NDUFA5: variants seen among roughly 807,000 people sequenced by gnomAD.
NDUFA5 encodes NADH dehydrogenase [ubiquinone] 1 alpha subcomplex subunit 5.
A neutral mutation model predicts 19.8 loss-of-function variants in NDUFA5; 11 were observed. That is an observed-to-expected ratio of 0.56 (90% CI 0.35 to 0.92). The LOEUF (loss-of-function observed/expected upper bound fraction) is 0.92, where lower values mean the gene tolerates loss of function less well. Ranked by LOEUF, NDUFA5 falls within the 40% of genes least tolerant of loss-of-function variation. The pLI is 0.01. For synonymous variants in NDUFA5, 47 were observed against 46.8 expected, an observed-to-expected ratio of 1.00 and a Z score of -0.01; for missense variants, 109 against 134.2, an observed-to-expected ratio of 0.81 and a Z score of 0.93.
the NDUFA5 span, among the ~76,000 whole-genome samples, chr7:123,587,801 T>C: frequency 6.6e-6 from 1 of 151,788 alleles, no homozygotes; most frequent in Non-Finnish European, 1.5e-5. Context: ...ATGATCATGA[T>C]TTTTATCCTC....
At chr7:123,587,275 A>G in the NDUFA5 span, among the ~76,000 whole-genome samples, 1 of 151,476 alleles carries the variant, frequency 6.6e-6, no homozygotes, top group African/African-American at 2.4e-5. Flanking sequence ...CCTTGGTTAA[A>G]TTTACTCCCA....
chr7:123,551,914 T>G (rs1424899133), intron 2 of NDUFA5, among the ~76,000 whole-genome samples: 1 of 152,212 alleles, frequency 6.6e-6, no homozygotes, highest in Non-Finnish European at 1.5e-5. Flanking sequence ...GACAAAAATG[T>G]ATCAGTGTCT....
intron 4 of NDUFA5, among the ~76,000 whole-genome samples, chr7:123,542,565 C>A (rs1159719908): frequency 1.3e-5 from 2 of 152,108 alleles, no homozygotes; most frequent in East Asian, 3.8e-4. Flanking sequence ...CTTTATTTTA[C>A]CATGGCCCAC....
At chr7:123,579,271 A>G in the NDUFA5 span, among the ~76,000 whole-genome samples, 1 of 151,814 alleles carries the variant, frequency 6.6e-6, no homozygotes, top group Admixed American at 6.6e-5. Context: ...TGGTGTAGAT[A>G]TACTACATTT....
At chr7:123,594,737 G>C in the NDUFA5 span, among the ~76,000 whole-genome samples, 1 of 152,134 alleles carries the variant, frequency 6.6e-6, no homozygotes. Flanking sequence ...GCTACACGGG[G>C]GTCAGGGACC....
chr7:123,594,009 C>T, the NDUFA5 span, among the ~76,000 whole-genome samples: 1 of 152,042 alleles, frequency 6.6e-6, no homozygotes, highest in East Asian at 1.9e-4. Flanking sequence ...ATCTTGTCTT[C>T]TCGCTTTATT....
chr7:123,589,063 G>A, the NDUFA5 span, among the ~76,000 whole-genome samples: 1 of 151,500 alleles, frequency 6.6e-6, no homozygotes, highest in Non-Finnish European at 1.5e-5. Flanking sequence ...ATGTCTGTTA[G>A]GTTCATTTAG....
the NDUFA5 span, chr7:123,566,864 A>G: frequency 1.3e-5 from 2 of 152,210 alleles, no homozygotes; most frequent in African/African-American, 2.4e-5. Context: ...TGGTATAGTC[A>G]CTGGAACTGA....
the NDUFA5 span, among the ~76,000 whole-genome samples, chr7:123,597,590 G>A: frequency 6.6e-6 from 1 of 152,122 alleles, no homozygotes; most frequent in African/African-American, 2.4e-5. Context: ...CCAGCACTTT[G>A]GGAGGCCAAG....
chr7:123,562,782 TTTTC>T (rs1267601710), upstream of NDUFA5, among the ~76,000 whole-genome samples: 4 of 146,938 alleles, frequency 2.7e-5, no homozygotes, highest in East Asian at 2.0e-4. Flanking sequence ...TTTCTTTTTC[TTTTC>T]TTTCTTTCTT....
intron 2 of NDUFA5, among the ~76,000 whole-genome samples, chr7:123,553,969 G>A (rs1037051276): frequency 2.6e-5 from 4 of 152,168 alleles, no homozygotes; most frequent in African/African-American, 7.2e-5. Flanking sequence ...AATGATATTG[G>A]AAAAGGCAAT....
rs766305834 is a variant in NDUFA5, at chr7:123,540,890, G to GCGCACACACACA, written c.*1228_*1229insTGTGTGTGTGCG. The GCGCACACACACA allele has an allele frequency of 1.1e-4, 15 of 133,830 alleles. No homozygotes were observed. The highest frequency in any genetic ancestry group is 4.4e-4 in the African/African-American group (15 of 33,802). 8.3% of individuals were successfully genotyped at this position (133,830 alleles called of 1,614,324 possible). ...TCTGAGCAAATGTGCGCATGCGCGT[G>GCGCACACACACA]CACACACACACACACACACACACAC... On this transcript the variant is annotated 3_prime_UTR_variant, in exon 5 of 5. Coordinates refer to ENST00000355749, the MANE Select transcript of NDUFA5 (RefSeq NM_005000.5).
the NDUFA5 span, among the ~76,000 whole-genome samples, chr7:123,597,342 T>C: frequency 1.3e-5 from 2 of 152,252 alleles, no homozygotes; most frequent in Admixed American, 1.3e-4. Flanking sequence ...TTTTATTTAA[T>C]GATGGCTGCA....
chr7:123,587,838 T>C, the NDUFA5 span, among the ~76,000 whole-genome samples: 4 of 151,820 alleles, frequency 2.6e-5, no homozygotes, highest in Admixed American at 1.3e-4. Context: ...CATATCATAT[T>C]TATTGATTTA....
rs1797814856 is a variant in NDUFA5, at chr7:123,538,328, G to A, written c.*3791C>T. Reference sequence around the variant, plus strand: ...TACATGACTCACTATTTTACTTCACGATCTAGAATACTGACTCATCTCTAG... The same window carrying A: ...TACATGACTCACTATTTTACTTCACAATCTAGAATACTGACTCATCTCTAG... On this transcript the variant is annotated 3_prime_UTR_variant, in exon 5 of 5. Transcript: ENST00000355749. 6.6e-6 allele frequency: 1 copy of A among 152,074 alleles called. No homozygotes were observed. The highest frequency in any genetic ancestry group is 1.5e-5 in the Non-Finnish European group (1 of 68,026). The allele number at this position is 152,074 out of a possible 1,614,324, so 9.4% of individuals were successfully genotyped here.
At chr7:123,569,101 A>T in the NDUFA5 span, among the ~76,000 whole-genome samples, 1 of 152,230 alleles carries the variant, frequency 6.6e-6, no homozygotes, top group Non-Finnish European at 1.5e-5. Context: ...TTTAGTCTGT[A>T]TCAGAAACTA....
At chr7:123,546,814 T>C (rs1306314883) in intron 3 of NDUFA5, 1 of 670,576 alleles carries the variant, frequency 1.5e-6, no homozygotes, top group Non-Finnish European at 2.4e-6. Context: ...TGCATTATGA[T>C]AGGCTGAAAA....
the NDUFA5 span, among the ~76,000 whole-genome samples, chr7:123,573,698 T>C: frequency 1.8e-3 from 274 of 152,268 alleles, 2 homozygotes; most frequent in African/African-American, 6.3e-3. Flanking sequence ...CTGGCTTCTG[T>C]ATCCTTCCAG....
chr7:123,555,177 T>C (rs953630516), intron 2 of NDUFA5: 4 of 152,188 alleles, frequency 2.6e-5, no homozygotes, highest in African/African-American at 9.7e-5. Context: ...ACATTATAAG[T>C]GGTTCTGCAT....
Sources: allele counts gnomAD v4.1 joint callset (sites outside exome capture counted in the v4.1 genomes callset), GRCh38; gene constraint gnomAD v4.1.1; transcripts MANE v1.5; gene names NCBI Gene and HGNC (gene_info 2026-07-23, HGNC 2026-07-21).